The following RGS6 variants were observed in gnomAD, a reference collection of about 807,000 sequenced individuals.
RGS6 encodes regulator of G-protein signaling 6.
A neutral mutation model predicts 78.5 loss-of-function variants in RGS6; 30 were observed. The observed-to-expected ratio is 0.38, with a 90% confidence interval of 0.29 to 0.52. RGS6 has a LOEUF of 0.52. Among genes scored for constraint, RGS6 ranks in the 20% least tolerant of loss-of-function variants. The pLI is 0.85. For synonymous variants in RGS6, 206 were observed against 206.0 expected (o/e 1.00, Z 0.00); for missense variants, 495 against 609.7 (o/e 0.81, Z 1.98).
chr14:71,924,927 C>T, the RGS6 span, among the ~76,000 whole-genome samples: 11 of 152,182 alleles, frequency 7.2e-5, no homozygotes, highest in Non-Finnish European at 1.5e-4. Flanking sequence ...TATTTGTCTT[C>T]GGTAGATACC....
chr14:72,011,021 A>G (rs1567014067), intron 2 of RGS6, among the ~76,000 whole-genome samples: 1 of 152,336 alleles, frequency 6.6e-6, no homozygotes, highest in East Asian at 1.9e-4. Flanking sequence ...CAAAATATTT[A>G]ATGGAATGAA....
intron 2 of RGS6, among the ~76,000 whole-genome samples, chr14:72,069,939 T>A (rs2094341356): frequency 6.6e-6 from 1 of 152,236 alleles, no homozygotes; most frequent in Non-Finnish European, 1.5e-5. Context: ...ATTTTAGACC[T>A]TCTACTTGGA....
At chr14:72,274,457 A>G (rs1314218572) in intron 2 of RGS6, among the ~76,000 whole-genome samples, 1 of 152,228 alleles carries the variant, frequency 6.6e-6, no homozygotes, top group East Asian at 1.9e-4. Context: ...GCCCCCTAGC[A>G]TGAACCCAAA....
chr14:72,268,127 T>C (rs1393337912), intron 2 of RGS6, among the ~76,000 whole-genome samples: 1 of 152,222 alleles, frequency 6.6e-6, no homozygotes, highest in African/African-American at 2.4e-5. Flanking sequence ...TTTTGACTTG[T>C]CTAGACGATT....
chr14:72,132,972 G>T (rs2153595463), intron 2 of RGS6, among the ~76,000 whole-genome samples: 1 of 152,194 alleles, frequency 6.6e-6, no homozygotes, highest in Non-Finnish European at 1.5e-5. Flanking sequence ...AATCACGGTG[G>T]TTTATTTTCA....
the RGS6 span, among the ~76,000 whole-genome samples, chr14:72,606,273 G>A: frequency 6.6e-6 from 1 of 152,064 alleles, no homozygotes; most frequent in Non-Finnish European, 1.5e-5. Context: ...TGTATACCTC[G>A]ATCTGCATGG....
the RGS6 span, among the ~76,000 whole-genome samples, chr14:71,896,179 A>C: frequency 1.3e-5 from 2 of 152,184 alleles, no homozygotes; most frequent in South Asian, 4.1e-4. Flanking sequence ...CTCAAGCAAG[A>C]AATAATTCAG....
At position 72,298,408 on chromosome 14, in the gene RGS6, T is replaced by C. The variant is rs569755614; in HGVS notation, c.85-53687T>C. On this transcript the variant is annotated intron_variant, in intron 2 of 17. Coordinates refer to ENST00000553525, the MANE Select transcript of RGS6 (RefSeq NM_001204424.2). ...CTAATGATTTTTGTGTTTGTGTTAA[T>C]GAGAGATATTGTCATTAATGTTCTT... Among the ~76,000 whole-genome samples the C allele has an allele frequency of 2.5e-3, 375 of 150,342 alleles. 3 individuals are homozygous for C. The highest frequency in any genetic ancestry group is 8.6e-3 in the African/African-American group (354 of 41,006).
chr14:72,330,832 G>T (rs2074851308), intron 2 of RGS6, among the ~76,000 whole-genome samples: 1 of 152,072 alleles, frequency 6.6e-6, no homozygotes, highest in Non-Finnish European at 1.5e-5. Context: ...CACCTGCAGA[G>T]ATTTTTTTTT....
Position 72,247,788 on chromosome 14 carries a change from T to C in RGS6, c.85-104307T>C, listed in dbSNP as rs773536687. Among the ~76,000 whole-genome samples, 107 of 152,340 alleles carry C rather than the reference T, an allele frequency of 7.0e-4. 1 individual carries two copies. Among genetic ancestry groups the C allele is most frequent in the Middle Eastern group, 3.4e-3 (1 of 294 alleles). On this transcript the variant is annotated intron_variant, in intron 2 of 17. Transcript: ENST00000553525. ...TGAAAAGGATGAGTTTGTTCCATTTTCCTGTTGCTCTCTTGTGGACTGTCT... is the reference window on the plus strand; with the variant it reads ...TGAAAAGGATGAGTTTGTTCCATTTCCCTGTTGCTCTCTTGTGGACTGTCT...
intron 3 of RGS6, among the ~76,000 whole-genome samples, chr14:72,448,094 ATTC>A (rs1222096861): frequency 6.6e-6 from 1 of 152,200 alleles, no homozygotes; most frequent in Non-Finnish European, 1.5e-5. Context: ...ACCTGGCCTT[ATTC>A]TTAACTAGAC....
chr14:71,966,836 A>G (rs2093550454), intron 2 of RGS6, among the ~76,000 whole-genome samples: 1 of 152,186 alleles, frequency 6.6e-6, no homozygotes, highest in South Asian at 2.1e-4. Context: ...GGTGCTGTTA[A>G]TAAGTTGTCT....
intron 3 of RGS6, among the ~76,000 whole-genome samples, chr14:72,427,113 A>G (rs1464917949): frequency 1.3e-5 from 2 of 152,252 alleles, no homozygotes; most frequent in South Asian, 2.1e-4. Context: ...AAAGTACTGT[A>G]GGTTCAAGGT....
intron 2 of RGS6, among the ~76,000 whole-genome samples, chr14:72,224,816 C>T (rs1316609950): frequency 6.6e-6 from 1 of 152,114 alleles, no homozygotes; most frequent in Non-Finnish European, 1.5e-5. Flanking sequence ...GCCTAAACCA[C>T]CCAGCCTGCT....
chr14:72,483,943 T>C (rs959204540), intron 12 of RGS6, among the ~76,000 whole-genome samples: 9 of 151,220 alleles, frequency 6.0e-5, no homozygotes, highest in African/African-American at 2.2e-4. Flanking sequence ...TTTTATATTT[T>C]CCCTACTTCC....
chr14:72,612,443 TAG>T, the RGS6 span: 31 of 516,390 alleles, frequency 6.0e-5, no homozygotes, highest in Admixed American at 2.5e-4. Flanking sequence ...TTTTTTTTTC[TAG>T]TACCTAATTT....
At chr14:72,359,797 A>G (rs1427814128) in intron 3 of RGS6, among the ~76,000 whole-genome samples, 2 of 152,374 alleles carry the variant, frequency 1.3e-5, no homozygotes, top group East Asian at 1.9e-4. Context: ...TACTATAGCT[A>G]TGCTGAGAAG....
At chr14:72,511,305 C>T (rs948973691) in intron 14 of RGS6, among the ~76,000 whole-genome samples, 5 of 152,300 alleles carry the variant, frequency 3.3e-5, no homozygotes, top group East Asian at 3.9e-4. Flanking sequence ...GCATGTGCTG[C>T]GGGCAAAGGA....
At chr14:72,413,525 G>T (rs540936732) in intron 3 of RGS6, among the ~76,000 whole-genome samples, 4 of 152,220 alleles carry the variant, frequency 2.6e-5, no homozygotes, top group Non-Finnish European at 5.9e-5. Flanking sequence ...TATCCAATTT[G>T]CCAGTCTGTG....
Sources: gnomAD v4.1 joint callset for allele counts (sites outside exome capture counted in the v4.1 genomes callset) on GRCh38, gnomAD v4.1.1 for gene constraint, MANE v1.5 for transcripts, NCBI Gene and HGNC (gene_info 2026-07-23, HGNC 2026-07-21) for gene names.